Variants in GBE1 observed in about 807,000 individuals in gnomAD.
GBE1 encodes the protein 1,4-alpha-glucan-branching enzyme.
In GBE1, 70 loss-of-function variants were observed where a neutral mutation model predicts 88.8. The observed-to-expected ratio is 0.79, with a 90% CI of 0.65 to 0.96. GBE1 has a LOEUF of 0.96. GBE1 is among the 40% of genes least tolerant of loss of function. The pLI, the probability that GBE1 is intolerant of heterozygous loss-of-function variation, is 0.00. For missense variants in GBE1, 872 were observed against 871.0 expected, an observed-to-expected ratio of 1.00 and a Z score of -0.01; for synonymous variants, 284 against 300.1, an observed-to-expected ratio of 0.95 and a Z score of 0.56.
At chr3:81,627,646 A>G (rs1297942627) in intron 7 of GBE1, among the ~76,000 whole-genome samples, 2 of 152,018 alleles carry the variant, frequency 1.3e-5, no homozygotes. Context: ...TTCGAGCTCA[A>G]CTGAGAAGTC....
At chr3:81,490,908 T>C (rs897046776) in intron 15 of GBE1, among the ~76,000 whole-genome samples, 2 of 151,964 alleles carry the variant, frequency 1.3e-5, no homozygotes, top group Non-Finnish European at 2.9e-5. Flanking sequence ...TGAAATGTAA[T>C]ACAAGGAATC....
chr3:81,695,439 C>A (rs1179277619), intron 2 of GBE1, among the ~76,000 whole-genome samples: 1 of 152,054 alleles, frequency 6.6e-6, no homozygotes, highest in Non-Finnish European at 1.5e-5. Flanking sequence ...CCAGAATAGG[C>A]GAAGCCATAG....
intron 7 of GBE1, among the ~76,000 whole-genome samples, chr3:81,633,518 A>G (rs1704547680): frequency 6.6e-6 from 1 of 152,194 alleles, no homozygotes. Context: ...GCAAAGCATT[A>G]AAAGAAACAA....
chr3:81,576,785 G>C (rs941135630), intron 12 of GBE1, among the ~76,000 whole-genome samples: 1 of 151,234 alleles, frequency 6.6e-6, no homozygotes, highest in African/African-American at 2.5e-5. Context: ...CCTGAGAATA[G>C]AGGATACACC....
chr3:81,710,715 T>C (rs1170101772), intron 1 of GBE1, among the ~76,000 whole-genome samples: 1 of 152,206 alleles, frequency 6.6e-6, no homozygotes, highest in African/African-American at 2.4e-5. Context: ...CACCTTGAAG[T>C]GGCAACACTA....
At chr3:81,583,394 C>G (rs533628314) in intron 10 of GBE1, among the ~76,000 whole-genome samples, 10 of 152,174 alleles carry the variant, frequency 6.6e-5, no homozygotes, top group African/African-American at 2.4e-4. Flanking sequence ...GTTATGAAAA[C>G]TTATGTTGAT....
intron 15 of GBE1, among the ~76,000 whole-genome samples, chr3:81,497,652 C>T (rs577871098): frequency 2.0e-5 from 3 of 152,228 alleles, no homozygotes; most frequent in Admixed American, 6.6e-5. Flanking sequence ...TTGGGGTACA[C>T]GGACATTTAG....
At chr3:81,625,569 CAAAG>C (rs1243627542) in intron 7 of GBE1, among the ~76,000 whole-genome samples, 1 of 152,030 alleles carries the variant, frequency 6.6e-6, no homozygotes, top group Non-Finnish European at 1.5e-5. Flanking sequence ...TCCCAAGTAT[CAAAG>C]ACTGCAGGCA....
intron 3 of GBE1, among the ~76,000 whole-genome samples, chr3:81,653,999 C>A (rs188272050): frequency 2.1e-3 from 324 of 152,044 alleles, no homozygotes; most frequent in Non-Finnish European, 3.1e-3. Context: ...TCTTGCGTAC[C>A]TTAAGTATAT....
chr3:81,679,869 T>C (rs528491837), intron 2 of GBE1, among the ~76,000 whole-genome samples: 1 of 152,192 alleles, frequency 6.6e-6, no homozygotes, highest in African/African-American at 2.4e-5. Context: ...CTTGCAGGAG[T>C]AGAAACCATT....
intron 9 of GBE1, 64 bp downstream of exon 9, chr3:81,590,971 ACT>A (rs1242741067): frequency 7.2e-6 from 10 of 1,382,898 alleles, no homozygotes; most frequent in Non-Finnish European, 9.9e-6. Context: ...TTAATCAAAT[ACT>A]GTATGCTGAC....
chr3:81,669,938 G>GATTTAATAT (rs1291254658), intron 3 of GBE1, among the ~76,000 whole-genome samples: 10 of 151,838 alleles, frequency 6.6e-5, no homozygotes, highest in African/African-American at 2.4e-4. Flanking sequence ...TGTGCATTTT[G>GATTTAATAT]ATTTAATATA....
rs142642370 is a variant in GBE1 at position 81,748,836 on chromosome 3, G to A, written c.143+12539C>T. 5.9e-3 allele frequency among the ~76,000 whole-genome samples: 898 copies of A among 151,536 alleles called. 12 individuals carry two copies. Among genetic ancestry groups the A allele is most frequent in the African/African-American group, 0.02 (823 of 41,336 alleles). ...ATCCTGGCCAACATGGTGAAACCCCGTCTCTACTAAAAATACAAAAATTAG... is the reference window on the plus strand; with the variant it reads ...ATCCTGGCCAACATGGTGAAACCCCATCTCTACTAAAAATACAAAAATTAG... On this transcript the variant is annotated intron_variant, in intron 1 of 15. Transcript: ENST00000429644.
intron 14 of GBE1, among the ~76,000 whole-genome samples, chr3:81,525,178 C>T (rs1447355658): frequency 1.3e-5 from 2 of 151,722 alleles, no homozygotes; most frequent in African/African-American, 2.4e-5. Context: ...TGTGGCCTAA[C>T]ATATGGTCTA....
In GBE1 at chr3:81,689,775, C is replaced by T. The variant is rs55707414; in HGVS notation, c.313+15669G>A. Among the ~76,000 whole-genome samples the T allele has an allele frequency of 4.6e-3, 701 of 152,110 alleles. 1 individual carries two copies. The highest frequency in any genetic ancestry group is 0.016 in the African/African-American group (665 of 41,484). On this transcript the variant is annotated intron_variant, in intron 2 of 15. Coordinates refer to ENST00000429644, the MANE Select transcript of GBE1 (RefSeq NM_000158.4). ...GAGAAACTCCAACCAGTCTGGGCCCCGGGAGAGGTATGCTCTGTGGCATGT... is the reference window on the plus strand; with the variant it reads ...GAGAAACTCCAACCAGTCTGGGCCCTGGGAGAGGTATGCTCTGTGGCATGT...
chr3:81,683,394 A>T (rs1705387095), intron 2 of GBE1, among the ~76,000 whole-genome samples: 1 of 152,222 alleles, frequency 6.6e-6, no homozygotes, highest in African/African-American at 2.4e-5. Flanking sequence ...ATATATAAAA[A>T]TTTAATGCTG....
chr3:81,758,283 G>T lies in GBE1; in HGVS notation c.143+3092C>A, dbSNP rs369836427. Among the ~76,000 whole-genome samples, 24 of 152,300 alleles carry T rather than the reference G, an allele frequency of 1.6e-4. No individual in the cohort carries two copies. In the South Asian group the frequency reaches 5.0e-3, roughly 32 times the overall value. On this transcript the variant is annotated intron_variant, in intron 1 of 15. Transcript: ENST00000429644. ...GTACTTTATAAACATTAAACAGAGG[G>T]TATAAAGTAGTATTATTAAATTGTG...
chr3:81,541,235 T>A (rs1391303504), intron 12 of GBE1, among the ~76,000 whole-genome samples: 1 of 151,806 alleles, frequency 6.6e-6, no homozygotes, highest in African/African-American at 2.4e-5. Flanking sequence ...TATTAACTCA[T>A]CGCACAATCT....
At chr3:81,570,477 G>GTT (rs1440548790) in intron 12 of GBE1, among the ~76,000 whole-genome samples, 1 of 152,206 alleles carries the variant, frequency 6.6e-6, no homozygotes, top group East Asian at 1.9e-4. Flanking sequence ...GAAGATGAAG[G>GTT]TTGATGGATT....
Sources: allele counts gnomAD v4.1 joint callset (sites outside exome capture counted in the v4.1 genomes callset), GRCh38; gene constraint gnomAD v4.1.1; transcripts MANE v1.5; gene names NCBI Gene and HGNC (gene_info 2026-07-23, HGNC 2026-07-21).